MBTPS1: variants seen among roughly 807,000 people sequenced by gnomAD.
MBTPS1 encodes the protein membrane-bound transcription factor site-1 protease.
MBTPS1 carries 94 observed loss-of-function variants against 127.8 expected under a neutral mutation model. The ratio of observed to expected loss-of-function variants is 0.74; its 90% confidence interval spans 0.62 to 0.87. The LOEUF (loss-of-function observed/expected upper bound fraction) is 0.87. MBTPS1 is among the 40% of genes least tolerant of loss of function. The probability of loss-of-function intolerance (pLI) is 0.00; values close to 1 mark genes in which losing one functional copy is unlikely to be tolerated. For synonymous variants in MBTPS1, 632 were observed against 509.4 expected (o/e 1.24, Z -3.24); for missense variants, 1,636 against 1,353.2 (o/e 1.21, Z -3.28).
intron 13 of MBTPS1, 147 bp from the exon 14 acceptor site, chr16:84,070,185 G>A: frequency 1.4e-6 from 1 of 701,262 alleles, no homozygotes; most frequent in Non-Finnish European, 2.3e-6. Flanking sequence ...AAAGATTCAT[G>A]TATCATAACT....
intron 5 of MBTPS1, 120 bp downstream of exon 5, chr16:84,093,591 C>A (rs2086139675): frequency 1.3e-6 from 1 of 778,890 alleles, no homozygotes; most frequent in Non-Finnish European, 2.2e-6. Flanking sequence ...TCTGCCACAA[C>A]AAAAAGCACA....
intron 1 of MBTPS1, among the ~76,000 whole-genome samples, chr16:84,107,833 T>C (rs1366850891): frequency 1.3e-5 from 2 of 151,558 alleles, no homozygotes; most frequent in Non-Finnish European, 2.9e-5. Context: ...GCCTACCAAG[T>C]TGCACGGACT....
chr16:84,113,662 CTT>C (rs1360525109), intron 1 of MBTPS1, among the ~76,000 whole-genome samples: 1 of 152,224 alleles, frequency 6.6e-6, no homozygotes, highest in East Asian at 1.9e-4. Flanking sequence ...GAAATTATCT[CTT>C]TAAAAATAAT....
chr16:84,058,402 C>T (rs1004918045), intron 21 of MBTPS1, among the ~76,000 whole-genome samples: 1 of 152,154 alleles, frequency 6.6e-6, no homozygotes, highest in Non-Finnish European at 1.5e-5. Context: ...AAGAGGGTAG[C>T]CTCCTGCCTG....
chr16:84,063,365 C>T lies in MBTPS1; in HGVS notation c.2512G>A (p.Gly838Arg). 6.2e-7 allele frequency: 1 copy of T among 1,614,170 alleles called. No individual in the cohort carries two copies. The highest frequency in any genetic ancestry group is 1.1e-5 in the South Asian group (1 of 91,088). ...TCCCCATACAGTACAATCCGGCCTC[C>T]ACCCTCAGCTGGAATCTGATAAAGT... Reference protein sequence around the residue: ...LGLYQIPAEGGGRIVLYGDSN... With the variant: ...LGLYQIPAEGRGRIVLYGDSN... Residue 838 changes from glycine (G) to arginine (R), a missense_variant, in exon 19 of 23, where the codon GGA (glycine) becomes AGA (arginine). By Grantham distance (125) the Gly-to-Arg change is moderately radical. Coordinates refer to ENST00000343411, the MANE Select transcript of MBTPS1 (RefSeq NM_003791.4).
chr16:84,104,453 ACTCT>A (rs1332164837), intron 1 of MBTPS1, among the ~76,000 whole-genome samples: 1 of 151,754 alleles, frequency 6.6e-6, no homozygotes, highest in Non-Finnish European at 1.5e-5. Flanking sequence ...ACACAGTGAG[ACTCT>A]CTCTCCACTT....
chr16:84,112,201 T>A (rs1597358472), intron 1 of MBTPS1, among the ~76,000 whole-genome samples: 1 of 151,440 alleles, frequency 6.6e-6, no homozygotes, highest in African/African-American at 2.4e-5. Context: ...CTGTCTCAAA[T>A]GGAAACAATG....
Position 84,070,712 on chromosome 16 carries a change from G to T in MBTPS1, c.1658C>A (p.Ser553Ter). 6.2e-7 allele frequency: 1 copy of T among 1,614,078 alleles called. No homozygotes were observed. The highest frequency in any genetic ancestry group is 8.5e-7 in the Non-Finnish European group (1 of 1,179,998). The change falls in exon 13 of 23, where the codon TCG becomes TAG. Residue 553 changes from serine (S) to a stop codon, truncating the protein, a stop_gained. Transcript: ENST00000343411. LOFTEE classifies it high-confidence loss of function. ...DNIEVAFSYSSVLWPWSGYLA... is the reference protein window; with the variant it reads ...DNIEVAFSYS ...GTAGCCCGACCAAGGCCATAAGACC[G>T]AGGAGTAGGAGAAGGCAACTTCAAT...
rs539231146 is a variant in MBTPS1 at position 84,053,786 on chromosome 16, A to G, written c.*663T>C. On this transcript the variant is annotated 3_prime_UTR_variant, in exon 23 of 23. Coordinates refer to ENST00000343411, the MANE Select transcript of MBTPS1 (RefSeq NM_003791.4). ...TCTTTAAGCTTCAGACGGGTAATACATATTTATTGAAAATTTTCTTCACCG... is the reference window on the plus strand; with the variant it reads ...TCTTTAAGCTTCAGACGGGTAATACGTATTTATTGAAAATTTTCTTCACCG... 6.6e-6 allele frequency: 1 copy of G among 152,206 alleles called. No individual in the cohort carries two copies. Among genetic ancestry groups the G allele is most frequent in the Non-Finnish European group, 1.5e-5 (1 of 68,034 alleles). 9.4% of individuals were successfully genotyped at this position (152,206 alleles called of 1,614,324 possible). A position where few individuals can be genotyped will look rare whatever the true frequency, so the allele number is the denominator to read the frequency against.
intron 1 of MBTPS1, among the ~76,000 whole-genome samples, chr16:84,113,843 G>GA: frequency 6.6e-6 from 1 of 151,650 alleles, no homozygotes; most frequent in African/African-American, 2.4e-5. Flanking sequence ...AAAGTCGGCT[G>GA]AAAAACTACC....
intron 12 of MBTPS1, 100 bp downstream of exon 12, chr16:84,074,497 T>C (rs2085822180): frequency 1.1e-5 from 14 of 1,288,784 alleles, no homozygotes; most frequent in African/African-American, 1.5e-5. Flanking sequence ...GCCTAGAACT[T>C]TTCCTTTTTT....
At position 84,101,660 on chromosome 16, in the gene MBTPS1, T is replaced by A. The variant is rs2086257834; in HGVS notation, c.124A>T (p.Thr42Ser). 1 of 1,614,038 alleles carries A rather than the reference T, an allele frequency of 6.2e-7. No homozygotes were observed. Among genetic ancestry groups the A allele is most frequent in the Non-Finnish European group, 8.5e-7 (1 of 1,179,928 alleles). The change falls in exon 2 of 23, where the codon ACT becomes TCT. Residue 42 changes from threonine (T) to serine (S), a missense_variant. Coordinates refer to ENST00000343411, the MANE Select transcript of MBTPS1 (RefSeq NM_003791.4). ...KAPCPGCSHLTLKVEFSSTVV... is the reference protein window; with the variant it reads ...KAPCPGCSHLSLKVEFSSTVV... ...GTTGATGAGAATTCCACCTTCAAAG[T>A]CAGGTGGGAACAGCCAGGGCATGGG...
At chr16:84,090,835 G>A (rs763132884) in intron 8 of MBTPS1, 40 bp downstream of exon 8, 2 of 1,464,218 alleles carry the variant, frequency 1.4e-6, no homozygotes, top group Non-Finnish European at 1.9e-6. Flanking sequence ...TATTTAAGGG[G>A]GAAAAAATCC....
chr16:84,112,116 C>A (rs753444322), intron 1 of MBTPS1, among the ~76,000 whole-genome samples: 42 of 151,894 alleles, frequency 2.8e-4, no homozygotes, highest in Non-Finnish European at 6.0e-4. Context: ...GCAGGAGAAT[C>A]GCTTGAACCA....
intron 10 of MBTPS1, among the ~76,000 whole-genome samples, chr16:84,084,589 C>A (rs1015348291): frequency 6.6e-6 from 1 of 152,144 alleles, no homozygotes; most frequent in African/African-American, 2.4e-5. Flanking sequence ...TAAAGTGAAT[C>A]CCCAAGGAAA....
intron 4 of MBTPS1, 67 bp downstream of exon 4, chr16:84,095,535 G>A (rs777360597): frequency 3.2e-5 from 49 of 1,548,164 alleles, no homozygotes; most frequent in East Asian, 1.1e-4. Context: ...GACTTTCCGC[G>A]CCTTCCCTGG....
At chr16:84,107,750 G>A (rs1567506392) in intron 1 of MBTPS1, among the ~76,000 whole-genome samples, 1 of 150,888 alleles carries the variant, frequency 6.6e-6, no homozygotes, top group African/African-American at 2.4e-5. Flanking sequence ...GGTCACCCAG[G>A]GTGGAGGACA....
At chr16:84,057,064 C>T (rs910114123) in intron 21 of MBTPS1, 1 of 152,206 alleles carries the variant, frequency 6.6e-6, no homozygotes, top group African/African-American at 2.4e-5. Flanking sequence ...CAAAGACGTC[C>T]AGTCCTATCA....
chr16:84,072,819 T>C (rs1422555694), intron 12 of MBTPS1, among the ~76,000 whole-genome samples: 1 of 151,850 alleles, frequency 6.6e-6, no homozygotes, highest in Non-Finnish European at 1.5e-5. Context: ...CCAGTGAAGG[T>C]GTGGTGGAGC....
Sources: allele counts gnomAD v4.1 joint callset (sites outside exome capture counted in the v4.1 genomes callset), GRCh38; gene constraint gnomAD v4.1.1; transcripts MANE v1.5; gene names NCBI Gene and HGNC (gene_info 2026-07-23, HGNC 2026-07-21).